Variants in IL12RB1 observed in about 807,000 individuals in gnomAD.
IL12RB1 encodes the protein interleukin 12 receptor subunit beta 1.
IL12RB1 carries 64 observed loss-of-function variants against 94.4 expected under a neutral mutation model. The observed-to-expected ratio is 0.68, with a 90% CI of 0.55 to 0.83. The LOEUF (loss-of-function observed/expected upper bound fraction) is 0.83. IL12RB1 is among the 40% of genes least tolerant of loss of function. The pLI is 0.00. For missense variants in IL12RB1, 814 were observed against 855.6 expected (o/e 0.95, Z 0.61); for synonymous variants, 362 against 355.5 (o/e 1.02, Z -0.21).
rs909740496 is a variant in IL12RB1, at chr19:18,075,417, C to T, written c.700+332G>A. 6.4e-4 allele frequency among the ~76,000 whole-genome samples: 98 copies of T among 151,980 alleles called. 1 individual carries two copies. Among genetic ancestry groups the T allele is most frequent in the Middle Eastern group, 3.4e-3 (1 of 292 alleles). On this transcript the variant is annotated intron_variant, in intron 7 of 16. Coordinates refer to ENST00000593993, the MANE Select transcript of IL12RB1 (RefSeq NM_005535.3). Reference sequence around the variant, plus strand: ...CTGGGATTACAGGCTCCCGCCACCACGCCCAGCTAATTTTCGTATTTTTAG... The same window carrying T: ...CTGGGATTACAGGCTCCCGCCACCATGCCCAGCTAATTTTCGTATTTTTAG...
intron 10 of IL12RB1, among the ~76,000 whole-genome samples, chr19:18,069,015 G>T (rs1211116547): frequency 6.8e-6 from 1 of 147,468 alleles, no homozygotes; most frequent in Non-Finnish European, 1.5e-5. Flanking sequence ...CTCCCAAAGT[G>T]CTGGGATTAC....
chr19:18,082,997 A>T (rs17881790), intron 2 of IL12RB1: 7,385 of 278,244 alleles, frequency 0.027, 566 homozygotes, highest in African/African-American at 0.15. Context: ...GCTGGAGAAT[A>T]GCTTGAACCT....
At chr19:18,084,274 C>T (rs2036157079) in intron 1 of IL12RB1, among the ~76,000 whole-genome samples, 1 of 143,174 alleles carries the variant, frequency 7.0e-6, no homozygotes, top group Non-Finnish European at 1.5e-5. Context: ...CATCCACCCC[C>T]CATCCATCTA....
At chr19:18,086,530 C>T (rs546767658) in intron 1 of IL12RB1, among the ~76,000 whole-genome samples, 3 of 151,968 alleles carry the variant, frequency 2.0e-5, no homozygotes, top group East Asian at 1.9e-4. Context: ...CATTGAACTC[C>T]GGGAGGTGGA....
chr19:18,074,385 C>G (rs967472602), intron 7 of IL12RB1, among the ~76,000 whole-genome samples: 1 of 152,114 alleles, frequency 6.6e-6, no homozygotes, highest in Non-Finnish European at 1.5e-5. Flanking sequence ...TTTAGTACAC[C>G]CTGCCACCTG....
At chr19:18,061,075 C>G (rs138733037) in intron 15 of IL12RB1, 47 bp downstream of exon 15, 1 of 962,606 alleles carries the variant, frequency 1.0e-6, no homozygotes, top group African/African-American at 1.6e-5. Flanking sequence ...CCTTGTCCAG[C>G]ATGTGCACCC....
chr19:18,096,203 C>G (rs2036917299), intron 1 of IL12RB1, among the ~76,000 whole-genome samples: 1 of 152,042 alleles, frequency 6.6e-6, no homozygotes, highest in East Asian at 1.9e-4. Context: ...GATTGCACCA[C>G]TGCACTCCAG....
rs372258967 is a variant in IL12RB1, at chr19:18,083,445, C to T, written c.111G>A (p.Pro37=). The T allele has an allele frequency of 7.1e-5, 115 of 1,614,028 alleles. No homozygotes were observed. Among genetic ancestry groups the T allele is most frequent in the Middle Eastern group, 1.7e-4 (1 of 6,038 alleles). Reference sequence around the variant, plus strand: ...ACTGCCCCGAACCTGAGTCTGCATCCGGATATGGCGGGTCCTGAAAACAGC... The same window carrying T: ...ACTGCCCCGAACCTGAGTCTGCATCTGGATATGGCGGGTCCTGAAAACAGC... The part of the protein sequence containing the change: ...SECCFQDPPY[P]DADSGSASGP... The change falls in exon 2 of 17, where the codon CCG becomes CCA. Residue 37 remains proline, a synonymous_variant. Coordinates refer to ENST00000593993, the MANE Select transcript of IL12RB1 (RefSeq NM_005535.3).
chr19:18,089,189 TG>T (rs1196107101), upstream of IL12RB1, among the ~76,000 whole-genome samples: 1 of 151,462 alleles, frequency 6.6e-6, no homozygotes, highest in African/African-American at 2.4e-5. Flanking sequence ...TGTCAGGGGC[TG>T]GGGGGAGGCG....
chr19:18,063,835 G>C, intron 13 of IL12RB1, 41 bp downstream of exon 13: 1 of 1,590,184 alleles, frequency 6.3e-7, no homozygotes, highest in Admixed American at 1.7e-5. Context: ...GCAGTGCAGT[G>C]CATGCTGGGT....
At chr19:18,080,253 T>G (rs925184682) in intron 4 of IL12RB1, among the ~76,000 whole-genome samples, 2 of 151,824 alleles carry the variant, frequency 1.3e-5, no homozygotes, top group African/African-American at 4.8e-5. Flanking sequence ...GTTGCTGTTG[T>G]TTTTTAGATG....
At chr19:18,069,912 G>GTT (rs971434907) in intron 9 of IL12RB1, among the ~76,000 whole-genome samples, 199 bp from the exon 10 acceptor site, 2 of 150,436 alleles carry the variant, frequency 1.3e-5, no homozygotes, top group African/African-American at 4.9e-5. Flanking sequence ...GATGGCGTTT[G>GTT]TTTTTTTTTG....
intron 1 of IL12RB1, among the ~76,000 whole-genome samples, chr19:18,084,006 TCTAC>T (rs1466144061): frequency 4.4e-4 from 65 of 146,082 alleles, no homozygotes; most frequent in African/African-American, 1.5e-3. Flanking sequence ...CATGCACCCA[TCTAC>T]CCATCCATCC....
chr19:18,097,782 A>C (rs1410870935), intron 1 of IL12RB1: 1 of 1,213,254 alleles, frequency 8.2e-7, no homozygotes, highest in African/African-American at 1.6e-5. Context: ...GGCGGCGCGG[A>C]CTCCCGGGCC....
chr19:18,061,443 T>C (rs1056766830), intron 14 of IL12RB1, among the ~76,000 whole-genome samples: 1 of 152,106 alleles, frequency 6.6e-6, no homozygotes, highest in Non-Finnish European at 1.5e-5. Context: ...TTGGCCAGGC[T>C]GGTGTCCAAC....
At chr19:18,063,076 C>CTTTTTTTTTTTTTT (rs1345434373) in intron 13 of IL12RB1, among the ~76,000 whole-genome samples, 3 of 75,182 alleles carry the variant, frequency 4.0e-5, no homozygotes, top group Admixed American at 1.7e-4. Context: ...TCTTCTTCTT[C>CTTTTTTTTTTTTTT]TATTTTTTTT....
At chr19:18,080,459 G>A (rs976586853) in intron 4 of IL12RB1, among the ~76,000 whole-genome samples, 5 of 151,954 alleles carry the variant, frequency 3.3e-5, no homozygotes, top group Non-Finnish European at 5.9e-5. Context: ...GGATGGTCTC[G>A]ATCTCTTGAC....
At chr19:18,064,330 G>A (rs369356859) in intron 12 of IL12RB1, among the ~76,000 whole-genome samples, 37 of 151,386 alleles carry the variant, frequency 2.4e-4, no homozygotes, top group Middle Eastern at 3.4e-3. Flanking sequence ...TAGTAGAGAC[G>A]GGGTTTCACT....
chr19:18,059,798 C>G, intron 16 of IL12RB1, 96 bp downstream of exon 16: 1 of 768,350 alleles, frequency 1.3e-6, no homozygotes, highest in South Asian at 1.5e-5. Flanking sequence ...CCTCAGGCCT[C>G]CAGGCCCTGA....
Sources: allele counts gnomAD v4.1 joint callset (sites outside exome capture counted in the v4.1 genomes callset), GRCh38; gene constraint gnomAD v4.1.1; transcripts MANE v1.5; gene names NCBI Gene and HGNC (gene_info 2026-07-23, HGNC 2026-07-21).